Variants in THSD4 observed in about 807,000 individuals in gnomAD.
The protein encoded by THSD4 is thrombospondin type 1 domain containing 4.
THSD4 carries 69 observed loss-of-function variants against 119.0 expected under a neutral mutation model. The ratio of observed to expected loss-of-function variants is 0.58; its 90% confidence interval spans 0.48 to 0.71. The LOEUF (loss-of-function observed/expected upper bound fraction) is 0.71. Among genes scored for constraint, THSD4 ranks in the 30% least tolerant of loss-of-function variants. THSD4 has a pLI of 0.00. For synonymous variants in THSD4, 524 were observed against 540.4 expected, an observed-to-expected ratio of 0.97 and a Z score of 0.42; for missense variants, 1,393 against 1,391.1, an observed-to-expected ratio of 1.00 and a Z score of -0.02.
At chr15:71,718,921 G>C (rs2052662445) in intron 8 of THSD4, among the ~76,000 whole-genome samples, 1 of 152,148 alleles carries the variant, frequency 6.6e-6, no homozygotes, top group Admixed American at 6.5e-5. Context: ...CATGGACTCA[G>C]CTCCCAAAGT....
chr15:71,397,649 T>C (rs1298855825), intron 6 of THSD4, among the ~76,000 whole-genome samples: 1 of 152,178 alleles, frequency 6.6e-6, no homozygotes, highest in Non-Finnish European at 1.5e-5. Flanking sequence ...AGGGAGAGAA[T>C]ATGTACTCAG....
At chr15:71,495,510 C>G (rs183884899) in intron 7 of THSD4, among the ~76,000 whole-genome samples, 35 of 152,242 alleles carry the variant, frequency 2.3e-4, no homozygotes, top group African/African-American at 7.9e-4. Flanking sequence ...TATAGTTTCT[C>G]TTTGTTAGAA....
intron 16 of THSD4, among the ~76,000 whole-genome samples, chr15:71,768,646 C>T (rs2053758651): frequency 6.9e-6 from 1 of 144,930 alleles, no homozygotes; most frequent in South Asian, 2.2e-4. Context: ...CTCACTGCAA[C>T]CTCTGCCTCC....
rs1466392481 is a variant in THSD4, at chr15:71,180,021, T to C, written c.99+25089T>C. 1.0e-3 allele frequency among the ~76,000 whole-genome samples: 110 copies of C among 107,302 alleles called. 1 individual carries two copies. In the East Asian group the frequency reaches 0.024, roughly 24 times the overall value. The allele number at this position is 107,302 out of a possible 152,430, so 70.4% of individuals were successfully genotyped here. ...GTCGGGGGAGGGGGGAGGGATAGCA[T>C]TGGGAGATATACCTAATGCTAGATG... On this transcript the variant is annotated intron_variant, in intron 3 of 17. Coordinates refer to ENST00000261862, the MANE Select transcript of THSD4 (RefSeq NM_024817.3).
chr15:71,109,827 G>A (rs1336503710), intron 1 of THSD4, among the ~76,000 whole-genome samples: 2 of 152,130 alleles, frequency 1.3e-5, no homozygotes, highest in Non-Finnish European at 2.9e-5. Context: ...TCTGTGTGCT[G>A]AAGAGAGGCA....
At chr15:71,696,682 C>T (rs2052171604) in intron 8 of THSD4, among the ~76,000 whole-genome samples, 1 of 152,168 alleles carries the variant, frequency 6.6e-6, no homozygotes. Flanking sequence ...ACAAAAATCA[C>T]ACCCTTGGCA....
chr15:71,285,853 CAAAAAAAAAAAAAA>C (rs11421766), intron 6 of THSD4, among the ~76,000 whole-genome samples: 53 of 67,390 alleles, frequency 7.9e-4, no homozygotes, highest in African/African-American at 2.3e-3. Flanking sequence ...GACTCCGTCT[CAAAAAAAAAAAAAA>C]AAAAAAAAAA....
chr15:71,543,954 G>A (rs962341564), intron 7 of THSD4, among the ~76,000 whole-genome samples: 1 of 152,304 alleles, frequency 6.6e-6, no homozygotes, highest in Admixed American at 6.5e-5. Flanking sequence ...TTTGAACACA[G>A]GAGGCAGAGG....
At chr15:71,107,182 G>A (rs1243340751) in intron 1 of THSD4, among the ~76,000 whole-genome samples, 1 of 152,166 alleles carries the variant, frequency 6.6e-6, no homozygotes, top group South Asian at 2.1e-4. Context: ...TCATGAAACC[G>A]TTATCCAGAA....
At chr15:71,314,122 A>G (rs1275133121) in intron 6 of THSD4, among the ~76,000 whole-genome samples, 3 of 152,108 alleles carry the variant, frequency 2.0e-5, no homozygotes, top group African/African-American at 7.2e-5. Context: ...GGAAAAGATC[A>G]TTTTAGCCAT....
intron 6 of THSD4, among the ~76,000 whole-genome samples, chr15:71,363,268 G>A (rs920164293): frequency 2.0e-5 from 3 of 152,206 alleles, no homozygotes; most frequent in Non-Finnish European, 2.9e-5. Flanking sequence ...AATGGATATG[G>A]CTGCATTGCA....
chr15:71,111,978 A>C, upstream of THSD4: 1 of 820,046 alleles, frequency 1.2e-6, no homozygotes, highest in Non-Finnish European at 1.9e-6. Context: ...CTTATAAGTA[A>C]GAAAACTGTG....
At position 71,508,419 on chromosome 15, in the gene THSD4, AT is replaced by A. The variant is rs1313813733; in HGVS notation, c.1152+96597del. ...ACTTCTTCCCCAGGTTCAGATGGTCATGGTTACCTTGGCCAGATCCTCCCTA... is the reference window on the plus strand; with the variant it reads ...ACTTCTTCCCCAGGTTCAGATGGTCAGGTTACCTTGGCCAGATCCTCCCTA... On this transcript the variant is annotated intron_variant, in intron 7 of 17. Transcript: ENST00000261862. 3.3e-5 allele frequency among the ~76,000 whole-genome samples: 5 copies of A among 152,326 alleles called. No individual in the cohort carries two copies. The East Asian group carries it at 9.6e-4, about 29-fold the overall frequency.
intron 6 of THSD4, among the ~76,000 whole-genome samples, chr15:71,405,731 G>T (rs765862072): frequency 3.3e-5 from 5 of 152,142 alleles, no homozygotes; most frequent in Non-Finnish European, 7.4e-5. Flanking sequence ...AGATCAATAT[G>T]GGGGAGTTTG....
chr15:71,387,021 G>C (rs1378320959), intron 6 of THSD4, among the ~76,000 whole-genome samples: 5 of 152,158 alleles, frequency 3.3e-5, no homozygotes, highest in African/African-American at 1.2e-4. Context: ...TTTTGTTTGT[G>C]CTGTCTTTTT....
chr15:71,451,493 G>T (rs1216477368), intron 7 of THSD4, among the ~76,000 whole-genome samples: 2 of 152,166 alleles, frequency 1.3e-5, no homozygotes, highest in African/African-American at 4.8e-5. Context: ...GCCTGCATCT[G>T]CTGCTCCCCA....
chr15:71,365,759 T>A (rs1186339234), intron 6 of THSD4, among the ~76,000 whole-genome samples: 3 of 152,112 alleles, frequency 2.0e-5, no homozygotes, highest in Non-Finnish European at 4.4e-5. Flanking sequence ...ATTGTCCCCT[T>A]AAAAGTAATT....
chr15:71,716,377 T>C (rs961900138), intron 8 of THSD4, among the ~76,000 whole-genome samples: 1 of 152,146 alleles, frequency 6.6e-6, no homozygotes, highest in Non-Finnish European at 1.5e-5. Context: ...GGGAGGACAC[T>C]ATTCAACCCA....
intron 5 of THSD4, among the ~76,000 whole-genome samples, chr15:71,246,051 A>G (rs1326496446): frequency 2.0e-5 from 3 of 152,196 alleles, no homozygotes; most frequent in African/African-American, 7.2e-5. Context: ...TTATGTAAGT[A>G]TTCCTACTGA....
Sources: allele counts gnomAD v4.1 joint callset (sites outside exome capture counted in the v4.1 genomes callset), GRCh38; gene constraint gnomAD v4.1.1; transcripts MANE v1.5; gene names NCBI Gene and HGNC (gene_info 2026-07-23, HGNC 2026-07-21).